KIAA1328: variants seen among roughly 807,000 people sequenced by gnomAD.
KIAA1328 encodes the protein protein hinderin.
A neutral mutation model predicts 68.1 loss-of-function variants in KIAA1328; 52 were observed. The observed-to-expected ratio is 0.76, with a 90% confidence interval of 0.61 to 0.96. The LOEUF (loss-of-function observed/expected upper bound fraction) is 0.96. Among genes scored for constraint, KIAA1328 ranks in the 40% least tolerant of loss-of-function variants. The pLI, the probability that KIAA1328 is intolerant of heterozygous loss-of-function variation, is 0.00. For synonymous variants in KIAA1328, 232 were observed against 239.4 expected (o/e 0.97, Z 0.28); for missense variants, 641 against 677.6 (o/e 0.95, Z 0.60).
chr18:36,939,055 A>G (rs553069774), intron 5 of KIAA1328, among the ~76,000 whole-genome samples: 1 of 152,166 alleles, frequency 6.6e-6, no homozygotes, highest in Admixed American at 6.5e-5. Context: ...GTTGCTCAAA[A>G]CTTACTGTGG....
intron 5 of KIAA1328, among the ~76,000 whole-genome samples, chr18:36,917,833 A>G (rs2049766301): frequency 6.6e-6 from 1 of 152,162 alleles, no homozygotes; most frequent in Admixed American, 6.5e-5. Context: ...CTTTCTGCTC[A>G]GGATTGACTG....
At chr18:37,002,035 C>T (rs973880912) in intron 6 of KIAA1328, among the ~76,000 whole-genome samples, 1 of 151,890 alleles carries the variant, frequency 6.6e-6, no homozygotes, top group African/African-American at 2.4e-5. Context: ...AAATAAAAGG[C>T]ATTCAAATTG....
intron 4 of KIAA1328, among the ~76,000 whole-genome samples, chr18:36,850,139 C>A (rs2150836631): frequency 6.6e-6 from 1 of 151,896 alleles, no homozygotes; most frequent in South Asian, 2.1e-4. Context: ...GTCTTCCATT[C>A]TGTGCGTTGT....
intron 6 of KIAA1328, among the ~76,000 whole-genome samples, chr18:37,031,670 G>A (rs760084232): frequency 1.1e-4 from 17 of 152,214 alleles, no homozygotes; most frequent in Non-Finnish European, 1.8e-4. Context: ...CCTTGATGCA[G>A]TTATCAACTT....
At chr18:36,933,226 C>T (rs1055610832) in intron 5 of KIAA1328, among the ~76,000 whole-genome samples, 5 of 151,890 alleles carry the variant, frequency 3.3e-5, no homozygotes, top group African/African-American at 7.3e-5. Flanking sequence ...TTTCTATAAA[C>T]GTATATGTAT....
intron 5 of KIAA1328, among the ~76,000 whole-genome samples, chr18:36,892,683 T>G (rs1180215713): frequency 6.6e-6 from 1 of 152,198 alleles, no homozygotes; most frequent in African/African-American, 2.4e-5. Flanking sequence ...CTGTACAAAT[T>G]TAGCAGATTT....
chr18:36,840,651 C>T (rs1436694150), intron 3 of KIAA1328, among the ~76,000 whole-genome samples: 1 of 152,046 alleles, frequency 6.6e-6, no homozygotes, highest in Non-Finnish European at 1.5e-5. Context: ...TGGGGTTTCA[C>T]TATGTTGACC....
intron 8 of KIAA1328, among the ~76,000 whole-genome samples, chr18:37,167,994 A>G (rs1480327906): frequency 6.6e-6 from 1 of 152,198 alleles, no homozygotes; most frequent in Non-Finnish European, 1.5e-5. Context: ...AGCCGAATAC[A>G]GCATATTGAA....
intron 9 of KIAA1328, among the ~76,000 whole-genome samples, chr18:37,202,287 A>G (rs539080158): frequency 1.3e-5 from 2 of 152,338 alleles, no homozygotes; most frequent in South Asian, 4.1e-4. Flanking sequence ...TCAGTCCTCT[A>G]TCAGTTCAGT....
At chr18:37,082,201 T>C (rs1207178705) in intron 7 of KIAA1328, among the ~76,000 whole-genome samples, 1 of 135,650 alleles carries the variant, frequency 7.4e-6, no homozygotes, top group Non-Finnish European at 1.6e-5. Context: ...ATACAGCATC[T>C]CACTCTGTCA....
At chr18:37,175,054 C>T (rs1429448947) in intron 9 of KIAA1328, among the ~76,000 whole-genome samples, 1 of 152,142 alleles carries the variant, frequency 6.6e-6, no homozygotes, top group Non-Finnish European at 1.5e-5. Context: ...GTTGATGGAG[C>T]TTCCTCTTTG....
intron 6 of KIAA1328, among the ~76,000 whole-genome samples, chr18:37,010,310 G>T (rs1274222265): frequency 6.6e-6 from 1 of 151,790 alleles, no homozygotes; most frequent in Non-Finnish European, 1.5e-5. Flanking sequence ...GGGTATGGTG[G>T]CAGGCACCTG....
chr18:37,087,231 T>C, intron 7 of KIAA1328, among the ~76,000 whole-genome samples: 1 of 132,820 alleles, frequency 7.5e-6, no homozygotes, highest in East Asian at 2.0e-4. Context: ...ACCAATTTTT[T>C]GTATTTTTTT....
At chr18:37,003,040 A>G (rs1052778693) in intron 6 of KIAA1328, among the ~76,000 whole-genome samples, 3 of 152,070 alleles carry the variant, frequency 2.0e-5, no homozygotes, top group East Asian at 1.9e-4. Flanking sequence ...ACTTATTAGT[A>G]TCAGCCAAGT....
intron 5 of KIAA1328, among the ~76,000 whole-genome samples, chr18:36,930,380 A>C (rs937706673): frequency 6.6e-6 from 1 of 152,120 alleles, no homozygotes; most frequent in African/African-American, 2.4e-5. Context: ...GTTACCAGTA[A>C]TTTAGCAGAT....
intron 9 of KIAA1328, among the ~76,000 whole-genome samples, chr18:37,203,429 ATCC>A (rs2060151996): frequency 6.6e-6 from 1 of 152,176 alleles, no homozygotes; most frequent in South Asian, 2.1e-4. Flanking sequence ...TACAAAAAAA[ATCC>A]TCGTCTTTCT....
At chr18:36,949,570 T>G (rs1178725686) in intron 5 of KIAA1328, among the ~76,000 whole-genome samples, 2 of 139,432 alleles carry the variant, frequency 1.4e-5, no homozygotes, top group African/African-American at 2.7e-5. Context: ...GTAAAGCACC[T>G]CAATTTCAAG....
intron 7 of KIAA1328, among the ~76,000 whole-genome samples, chr18:37,104,299 T>C (rs1254743090): frequency 6.6e-6 from 1 of 152,152 alleles, no homozygotes; most frequent in Non-Finnish European, 1.5e-5. Context: ...ATAAAGAAAA[T>C]GTGCTGTATT....
chr18:36,831,048 A>G (rs911004268), intron 1 of KIAA1328, among the ~76,000 whole-genome samples: 1 of 152,074 alleles, frequency 6.6e-6, no homozygotes, highest in African/African-American at 2.4e-5. Context: ...TAATCATTTG[A>G]TTTAGTTACA....
Sources: allele counts gnomAD v4.1 joint callset (sites outside exome capture counted in the v4.1 genomes callset), GRCh38; gene constraint gnomAD v4.1.1; transcripts MANE v1.5; gene names NCBI Gene and HGNC (gene_info 2026-07-23, HGNC 2026-07-21).